The following ZFHX4 variants were observed in gnomAD, a reference collection of about 807,000 sequenced individuals.
ZFHX4 encodes the protein zinc finger homeobox 4.
Under a neutral mutation model 267.6 loss-of-function variants are expected in ZFHX4, and 56 were observed. The observed-to-expected ratio is 0.21, with a 90% CI of 0.17 to 0.26. The LOEUF is 0.26. Among genes scored for constraint, ZFHX4 ranks in the 10% least tolerant of loss-of-function variants. ZFHX4 has a pLI of 1.00. For missense variants in ZFHX4, 4,332 were observed against 4,420.0 expected (o/e 0.98, Z 0.56); for synonymous variants, 1,778 against 1,665.6 (o/e 1.07, Z -1.64).
At position 76,762,379 on chromosome 8, in the gene ZFHX4, A is replaced by G. The variant is rs1447629510; in HGVS notation, c.3094-15829A>G. Among the ~76,000 whole-genome samples, 3 of 152,262 alleles carry G rather than the reference A, an allele frequency of 2.0e-5. No homozygotes were observed. In the East Asian group the frequency reaches 5.8e-4, roughly 29 times the overall value. On this transcript the variant is annotated intron_variant, in intron 3 of 10. Transcript: ENST00000651372. ...GTCAGATTTATAAAAAGAAGTTAATATCTCCCTGACATTCATATTGACTTT... is the reference window on the plus strand; with the variant it reads ...GTCAGATTTATAAAAAGAAGTTAATGTCTCCCTGACATTCATATTGACTTT...
At chr8:76,697,558 G>A (rs1004239567) in intron 1 of ZFHX4, among the ~76,000 whole-genome samples, 7 of 152,006 alleles carry the variant, frequency 4.6e-5, no homozygotes, top group Non-Finnish European at 7.4e-5. Context: ...TGATCGATGC[G>A]GTTCATGTTT....
In ZFHX4 at chr8:76,855,580, T is replaced by G. The variant is rs901682343; in HGVS notation, c.8659T>G (p.Tyr2887Asp). The change falls in exon 10 of 11, where the codon TAC becomes GAC. Residue 2887 changes from tyrosine to aspartate, a missense_variant. Transcript: ENST00000651372. ...DKDGDHDQSF[Y>D]ITDDPDDNAD... is the part of the protein sequence containing the mutation. Reference sequence around the variant, plus strand: ...AGATGGCGACCACGACCAAAGCTTTTACATCACAGATGACCCGGATGACAA... The same window carrying G: ...AGATGGCGACCACGACCAAAGCTTTGACATCACAGATGACCCGGATGACAA... The G allele has an allele frequency of 5.6e-6, 9 of 1,613,890 alleles. No individual in the cohort carries two copies. The Admixed American group carries it at 1.0e-4, about 18-fold the overall frequency.
At chr8:76,687,722 GA>G (rs1807726837) in intron 1 of ZFHX4, among the ~76,000 whole-genome samples, 1 of 152,118 alleles carries the variant, frequency 6.6e-6, no homozygotes, top group African/African-American at 2.4e-5. Flanking sequence ...GATAGGAAAA[GA>G]AAAGAGATTC....
intron 4 of ZFHX4, among the ~76,000 whole-genome samples, chr8:76,804,790 A>T (rs1308070195): frequency 6.6e-6 from 1 of 152,034 alleles, no homozygotes; most frequent in South Asian, 2.1e-4. Context: ...GTGAGGTGAG[A>T]GGTCATGGCG....
At chr8:76,862,970 G>T (rs988095328) in intron 10 of ZFHX4, 124 bp from the exon 11 acceptor site, 3 of 1,339,282 alleles carry the variant, frequency 2.2e-6, no homozygotes, top group African/African-American at 1.5e-5. Context: ...ATTTCCTATT[G>T]TGTGTAATAC....
intron 3 of ZFHX4, among the ~76,000 whole-genome samples, chr8:76,729,901 T>C (rs1808955457): frequency 6.6e-6 from 1 of 152,162 alleles, no homozygotes; most frequent in Non-Finnish European, 1.5e-5. Flanking sequence ...CAGAATTTAC[T>C]GAAGTCTATG....
rs578228571 is a variant in ZFHX4, at chr8:76,863,103, C to G, written c.9389C>G (p.Pro3130Arg). 2 of 1,513,604 alleles carry G rather than the reference C, an allele frequency of 1.3e-6. No homozygotes were observed. Among genetic ancestry groups the G allele is most frequent in the Non-Finnish European group, 1.8e-6 (2 of 1,130,186 alleles). 93.8% of individuals were successfully genotyped at this position (1,513,604 alleles called of 1,614,324 possible). The part of the protein sequence containing the change: ...GFPQNSNTLT[P>R]PGAGMLGFPT... ...CTGTTGTTGTTTTCAGCTTTAACAC[C>G]TCCCGGTGCAGGCATGCTTGGGTTT... Residue 3130 changes from proline (P) to arginine (R), a missense_variant, in exon 11 of 11, where the codon CCT (proline) becomes CGT (arginine). Pro to Arg is a moderately radical substitution (Grantham distance 103). Around this residue, in one of 7 missense-constraint regions of ZFHX4, gnomAD observed 1,648 missense variants for 1,625.0 expected, o/e 1.01. Coordinates refer to ENST00000651372, the MANE Select transcript of ZFHX4 (RefSeq NM_024721.5).
At chr8:76,774,807 G>C (rs974865853) in intron 3 of ZFHX4, among the ~76,000 whole-genome samples, 1 of 152,006 alleles carries the variant, frequency 6.6e-6, no homozygotes, top group Non-Finnish European at 1.5e-5. Context: ...GATTTTTAGT[G>C]CTTAATATAC....
intron 3 of ZFHX4, among the ~76,000 whole-genome samples, chr8:76,755,857 G>A (rs892193278): frequency 6.6e-6 from 1 of 152,008 alleles, no homozygotes; most frequent in Non-Finnish European, 1.5e-5. Flanking sequence ...TTGCTATAAT[G>A]ATCTCATTTT....
In ZFHX4 at chr8:76,851,634, A is replaced by T. The variant is rs1203626604; in HGVS notation, c.4713A>T (p.Lys1571Asn). The stretch of plus-strand genomic sequence containing the variant: ...TTTCTCACTTGCATAAGCTGAAAAA[A>T]GTTTTGCAGGAAGCCTCCAGTCCTG... ...NSVSHLHKLKKVLQEASSPVP... is the reference protein window; with the variant it reads ...NSVSHLHKLKNVLQEASSPVP... The change falls in exon 10 of 11, where the codon AAA (lysine) becomes AAT (asparagine). Residue 1571 changes from lysine to asparagine, a missense_variant. Coordinates refer to ENST00000651372, the MANE Select transcript of ZFHX4 (RefSeq NM_024721.5). 8 of 1,613,706 alleles carry T rather than the reference A, an allele frequency of 5.0e-6. No individual in the cohort carries two copies. The highest frequency in any genetic ancestry group is 2.2e-5 in the South Asian group (2 of 91,084).
chr8:76,704,881 T>C lies in ZFHX4; in HGVS notation c.793T>C (p.Phe265Leu). The C allele has an allele frequency of 1.2e-6, 2 of 1,614,228 alleles. No homozygotes were observed. Among genetic ancestry groups the C allele is most frequent in the South Asian group, 1.1e-5 (1 of 91,086 alleles). Reference protein sequence around the residue: ...DVPNNVDLSKFDGCVSDGKRK... With the variant: ...DVPNNVDLSKLDGCVSDGKRK... ...CCCTAACAATGTGGACTTGTCCAAA[T>C]TCGATGGTTGTGTTAGCGATGGGAA... is the stretch of plus-strand genomic sequence containing the variant. The change falls in exon 2 of 11, where the codon TTC (phenylalanine) becomes CTC (leucine). Residue 265 changes from phenylalanine (F) to leucine (L), a missense_variant. Phe to Leu is a conservative substitution (Grantham distance 22, BLOSUM62 0). Transcript: ENST00000651372.
At position 76,706,436 on chromosome 8, in the gene ZFHX4, G is replaced by A. The variant is rs1397622372; in HGVS notation, c.2348G>A (p.Arg783Gln). 6.2e-7 allele frequency: 1 copy of A among 1,614,114 alleles called. No individual in the cohort carries two copies. Among genetic ancestry groups the A allele is most frequent in the Admixed American group, 1.7e-5 (1 of 60,016 alleles). The stretch of plus-strand genomic sequence containing the variant: ...GAAACCAATGTCGCCAGGAACCTCC[G>A]AATTCATATGACCAGCGAAAAGCAC... The part of the protein sequence containing the change: ...DYETNVARNL[R>Q]IHMTSEKHMH... The change falls in exon 2 of 11, where the codon CGA becomes CAA. Residue 783 changes from arginine to glutamine, a missense_variant. Arg to Gln is a conservative substitution (Grantham distance 43). Around this residue, in one of 7 missense-constraint regions of ZFHX4, gnomAD observed 1,195 missense variants for 1,173.6 expected, o/e 1.02. Coordinates refer to ENST00000651372, the MANE Select transcript of ZFHX4 (RefSeq NM_024721.5).
chr8:76,835,231 A>ATATATATGTATATATATATATATATATG (rs1383300268), intron 5 of ZFHX4, among the ~76,000 whole-genome samples: 1 of 124,790 alleles, frequency 8.0e-6, no homozygotes, highest in African/African-American at 3.4e-5. Context: ...ATATATATAT[A>ATATATATGTATATATATATATATATATG]TATATATATG....
chr8:76,831,887 A>T (rs1318739633), intron 4 of ZFHX4, among the ~76,000 whole-genome samples: 1 of 152,024 alleles, frequency 6.6e-6, no homozygotes, highest in Non-Finnish European at 1.5e-5. Flanking sequence ...CTTGAGTGAC[A>T]TGTAGGATGT....
At chr8:76,739,600 G>A (rs1331896360) in intron 3 of ZFHX4, among the ~76,000 whole-genome samples, 1 of 151,988 alleles carries the variant, frequency 6.6e-6, no homozygotes, top group East Asian at 1.9e-4. Flanking sequence ...GTTTAATTGG[G>A]CCTAAGAATA....
At position 76,704,343 on chromosome 8, in the gene ZFHX4, T is replaced by A. The variant is rs1159581528; in HGVS notation, c.255T>A (p.Cys85Ter). ...CAAAGGAGATACCCTGCAACGAATG[T>A]GCCACTTCTTTTCCCAGTTTACAGA... ...TSAKEIPCNECATSFPSLQKY... is the reference protein window; with the variant it reads ...TSAKEIPCNE The change falls in exon 2 of 11, where the codon TGT (cysteine) becomes TGA (stop). Residue 85 changes from cysteine (C) to a stop codon, truncating the protein, a stop_gained. Coordinates refer to ENST00000651372, the MANE Select transcript of ZFHX4 (RefSeq NM_024721.5). LOFTEE classifies it high-confidence loss of function. 6.2e-7 allele frequency: 1 copy of A among 1,614,034 alleles called. No homozygotes were observed. The highest frequency in any genetic ancestry group is 8.5e-7 in the Non-Finnish European group (1 of 1,179,898).
intron 5 of ZFHX4, among the ~76,000 whole-genome samples, chr8:76,835,763 T>C (rs568285154): frequency 6.6e-6 from 1 of 152,234 alleles, no homozygotes; most frequent in African/African-American, 2.4e-5. Context: ...TCAAGAGTTA[T>C]GGCAAACATT....
intron 5 of ZFHX4, among the ~76,000 whole-genome samples, chr8:76,839,879 G>A (rs775919594): frequency 6.6e-6 from 1 of 152,062 alleles, no homozygotes; most frequent in African/African-American, 2.4e-5. Context: ...AACCTACAGG[G>A]TTTCCAGAGA....
Position 76,855,642 on chromosome 8 carries a change from G to T in ZFHX4, c.8721G>T (p.Pro2907=), listed in dbSNP as rs773478219. ...DRSETSSIAD[P]SSPNPFGSSN... ...GCGAAACGTCCAGCATAGCGGACCC[G>T]AGCTCCCCAAATCCATTCGGATCCA... The change falls in exon 10 of 11, where the codon CCG becomes CCT. Residue 2907 remains proline, a synonymous_variant. Coordinates refer to ENST00000651372, the MANE Select transcript of ZFHX4 (RefSeq NM_024721.5). The T allele has an allele frequency of 1.2e-6, 2 of 1,613,832 alleles. No individual in the cohort carries two copies. Among genetic ancestry groups the T allele is most frequent in the Non-Finnish European group, 1.7e-6 (2 of 1,179,836 alleles).
Sources: allele counts gnomAD v4.1 joint callset (sites outside exome capture counted in the v4.1 genomes callset), GRCh38; gene constraint gnomAD v4.1.1; regional missense constraint gnomAD v4.1.1; transcripts MANE v1.5; gene names NCBI Gene and HGNC (gene_info 2026-07-23, HGNC 2026-07-21).